NOL4L: variants seen among roughly 807,000 people sequenced by gnomAD.
NOL4L encodes nucleolar protein 4 like.
Under a neutral mutation model 64.5 loss-of-function variants are expected in NOL4L, and 7 were observed. The observed-to-expected ratio is 0.11, with a 90% CI of 0.06 to 0.20. The LOEUF is 0.20. Among genes scored for constraint, NOL4L ranks in the 10% least tolerant of loss-of-function variants. The pLI is 1.00. For synonymous variants in NOL4L, 413 were observed against 401.0 expected, an observed-to-expected ratio of 1.03 and a Z score of -0.36; for missense variants, 680 against 967.1, an observed-to-expected ratio of 0.70 and a Z score of 3.94.
chr20:32,565,907 G>C (rs1979398031), intron 1 of NOL4L, among the ~76,000 whole-genome samples: 1 of 143,868 alleles, frequency 7.0e-6, no homozygotes, highest in Non-Finnish European at 1.5e-5. Flanking sequence ...AAAAAAATTA[G>C]TTGGGTGTGG....
At chr20:32,531,690 T>C (rs989962912) in intron 1 of NOL4L, among the ~76,000 whole-genome samples, 3 of 152,074 alleles carry the variant, frequency 2.0e-5, no homozygotes, top group Non-Finnish European at 4.4e-5. Context: ...TCCGCACCTA[T>C]AAAATGGGCC....
chr20:32,583,527 G>A (rs993915707), intron 1 of NOL4L, among the ~76,000 whole-genome samples: 4 of 148,570 alleles, frequency 2.7e-5, no homozygotes, highest in Non-Finnish European at 6.0e-5. Context: ...TCCGGCCGGG[G>A]AGGGAGCAAG....
At chr20:32,529,583 A>C (rs1429831024) in intron 1 of NOL4L, among the ~76,000 whole-genome samples, 1 of 152,218 alleles carries the variant, frequency 6.6e-6, no homozygotes, top group African/African-American at 2.4e-5. Flanking sequence ...ATGATGGCCG[A>C]ACAGCAGTGT....
chr20:32,497,277 T>C (rs907581151), intron 4 of NOL4L, among the ~76,000 whole-genome samples: 1 of 123,246 alleles, frequency 8.1e-6, no homozygotes, highest in African/African-American at 3.1e-5. Context: ...CTGGAGCTGC[T>C]CTTTGCTGGG....
rs2014414881 is a variant in NOL4L, at chr20:32,464,946, A to G, written c.842-8551T>C. 1 of 524,822 alleles carries G rather than the reference A, an allele frequency of 1.9e-6. No individual in the cohort carries two copies. Among genetic ancestry groups the G allele is most frequent in the Non-Finnish European group, 3.5e-6 (1 of 287,226 alleles). 32.5% of individuals were successfully genotyped at this position (524,822 alleles called of 1,614,324 possible). Reference sequence around the variant, plus strand: ...ACACCTGTCTGCACTAGCCTTTTCCAAGGCTCAGTAGCCGTCCTTGGCTAA... The same window carrying G: ...ACACCTGTCTGCACTAGCCTTTTCCGAGGCTCAGTAGCCGTCCTTGGCTAA... On this transcript the variant is annotated intron_variant, in intron 5 of 10. Coordinates refer to ENST00000621426, the MANE Select transcript of NOL4L (RefSeq NM_001256798.2). The surrounding 1 kb of genome is among the most constrained non-coding windows in gnomAD (Gnocchi z 5.6).
intron 1 of NOL4L, among the ~76,000 whole-genome samples, chr20:32,583,447 G>A (rs1230990418): frequency 1.4e-5 from 2 of 147,148 alleles, no homozygotes; most frequent in East Asian, 2.1e-4. Flanking sequence ...GCCGGGGGAG[G>A]AGCGCGGAGG....
At chr20:32,487,625 G>C (rs773836351) in intron 4 of NOL4L, among the ~76,000 whole-genome samples, 4 of 152,190 alleles carry the variant, frequency 2.6e-5, no homozygotes, top group Non-Finnish European at 5.9e-5. Flanking sequence ...TGAGCATCGG[G>C]GGGGCAAACA....
At chr20:32,537,743 G>T (rs1204231774) in intron 1 of NOL4L, among the ~76,000 whole-genome samples, 2 of 151,158 alleles carry the variant, frequency 1.3e-5, no homozygotes, top group Non-Finnish European at 2.9e-5. Flanking sequence ...AATCGAAGAA[G>T]TTTCTAGGCC....
At chr20:32,469,948 G>T (rs559183582) in intron 5 of NOL4L, among the ~76,000 whole-genome samples, 1 of 152,350 alleles carries the variant, frequency 6.6e-6, no homozygotes, top group East Asian at 1.9e-4. Flanking sequence ...TCCAGACTCA[G>T]GCCTGCACAG....
chr20:32,508,566 G>C (rs1401999343), intron 4 of NOL4L, among the ~76,000 whole-genome samples: 1 of 152,224 alleles, frequency 6.6e-6, no homozygotes, highest in Non-Finnish European at 1.5e-5. Flanking sequence ...GGTGGTGAAA[G>C]GCAGGCCTGA....
At chr20:32,560,069 C>CA (rs933267751) in intron 1 of NOL4L, among the ~76,000 whole-genome samples, 1 of 152,246 alleles carries the variant, frequency 6.6e-6, no homozygotes, top group Non-Finnish European at 1.5e-5. Flanking sequence ...GTTCTTTTCA[C>CA]AAAGGAGCTG....
chr20:32,499,205 C>T (rs1022545343), intron 4 of NOL4L, among the ~76,000 whole-genome samples: 1 of 152,052 alleles, frequency 6.6e-6, no homozygotes, highest in Non-Finnish European at 1.5e-5. Context: ...AATAAATGCC[C>T]TATTTTGCAT....
At chr20:32,458,753 G>A (rs990503819) in intron 5 of NOL4L, among the ~76,000 whole-genome samples, 1 of 152,258 alleles carries the variant, frequency 6.6e-6, no homozygotes, top group Non-Finnish European at 1.5e-5. Context: ...CAGTGAGCAA[G>A]TGGTCACTGC....
chr20:32,548,350 G>T (rs997986732), intron 1 of NOL4L, among the ~76,000 whole-genome samples: 1 of 152,206 alleles, frequency 6.6e-6, no homozygotes, highest in South Asian at 2.1e-4. Flanking sequence ...GCACACTTAA[G>T]TATGATCTCA....
At chr20:32,490,128 CA>C (rs747449024) in intron 4 of NOL4L, among the ~76,000 whole-genome samples, 36,929 of 68,930 alleles carry the variant, frequency 0.54, 6,449 homozygotes, top group Non-Finnish European at 0.56. Context: ...GACTCCATCT[CA>C]AAAAAAAAAA....
In NOL4L at chr20:32,500,382, C is replaced by T. The variant is rs1326348107; in HGVS notation, c.699+10965G>A. Among the ~76,000 whole-genome samples, 69 of 139,228 alleles carry T rather than the reference C, an allele frequency of 5.0e-4. 1 individual carries two copies. Among genetic ancestry groups the T allele is most frequent in the Admixed American group, 1.3e-3 (17 of 13,318 alleles). 91.3% of individuals were successfully genotyped at this position (139,228 alleles called of 152,430 possible). A position where few individuals can be genotyped will look rare whatever the true frequency, so the allele number is the denominator to read the frequency against. On this transcript the variant is annotated intron_variant, in intron 4 of 10. Transcript: ENST00000621426. ...TTTTTTTTTTTTTTTGAGACGGAGT[C>T]TTGCTTTCTTGCCCAGGCTGGAGTG...
At chr20:32,503,346 G>A (rs1478062802) in intron 4 of NOL4L, among the ~76,000 whole-genome samples, 3 of 152,162 alleles carry the variant, frequency 2.0e-5, no homozygotes, top group Non-Finnish European at 4.4e-5. Context: ...AACAAGAGGA[G>A]GTAATAGATG....
intron 4 of NOL4L, among the ~76,000 whole-genome samples, chr20:32,503,892 CTTTTT>C: frequency 6.6e-6 from 1 of 152,160 alleles, no homozygotes; most frequent in South Asian, 2.1e-4. Flanking sequence ...ACTACTCCCT[CTTTTT>C]TAATTTTCCT....
rs138531354 is a variant in NOL4L, at chr20:32,470,374, C to T, written c.841+4227G>A. Among the ~76,000 whole-genome samples the T allele has an allele frequency of 3.3e-3, 496 of 152,352 alleles. 1 individual carries two copies. Among genetic ancestry groups the T allele is most frequent in the Non-Finnish European group, 5.1e-3 (348 of 68,036 alleles). ...GCTCACCTGCCTCCGTGCATGCCTT[C>T]GTTCATTTTCATCCACTCATTCATT... On this transcript the variant is annotated intron_variant, in intron 5 of 10. Coordinates refer to ENST00000621426, the MANE Select transcript of NOL4L (RefSeq NM_001256798.2).
Sources: allele counts gnomAD v4.1 joint callset (sites outside exome capture counted in the v4.1 genomes callset), GRCh38; gene constraint gnomAD v4.1.1; non-coding constraint Gnocchi (gnomAD v3.1); transcripts MANE v1.5; gene names NCBI Gene and HGNC (gene_info 2026-07-23, HGNC 2026-07-21).